RFX3: variants seen among roughly 807,000 people sequenced by gnomAD.
RFX3 encodes the protein regulatory factor X3, also known as transcription factor RFX3.
In RFX3, 14 loss-of-function variants were observed where a neutral mutation model predicts 98.6. That is an observed-to-expected ratio of 0.14 (90% CI 0.09 to 0.22). The LOEUF is 0.22. Ranked by LOEUF, RFX3 falls within the 10% of genes least tolerant of loss-of-function variation. The probability of loss-of-function intolerance (pLI) is 1.00; values close to 1 mark genes in which losing one functional copy is unlikely to be tolerated. For synonymous variants in RFX3, 383 were observed against 328.4 expected, an observed-to-expected ratio of 1.17 and a Z score of -1.80; for missense variants, 639 against 926.9, an observed-to-expected ratio of 0.69 and a Z score of 4.03.
chr9:3,501,150 G>C (rs1216941110), intron 1 of RFX3, among the ~76,000 whole-genome samples: 1 of 151,924 alleles, frequency 6.6e-6, no homozygotes, highest in Admixed American at 6.6e-5. Flanking sequence ...GCCTCTTTTT[G>C]GCAAATTCCA....
At chr9:3,353,441 C>T (rs1252827597) in intron 2 of RFX3, among the ~76,000 whole-genome samples, 6 of 152,006 alleles carry the variant, frequency 3.9e-5, no homozygotes, top group Non-Finnish European at 8.8e-5. Context: ...GAGAAAACGA[C>T]AGCAACAGAC....
intron 1 of RFX3, among the ~76,000 whole-genome samples, chr9:3,504,201 A>ATATT (rs1475979205): frequency 9.3e-6 from 1 of 107,880 alleles, no homozygotes; most frequent in African/African-American, 4.7e-5. Context: ...TATTATATAT[A>ATATT]TTATATATAT....
chr9:3,330,168 C>A, intron 4 of RFX3, 91 bp downstream of exon 4: 1 of 1,312,274 alleles, frequency 7.6e-7, no homozygotes, highest in Non-Finnish European at 1.1e-6. Context: ...GCCCCAGTCC[C>A]ATCTGTGTTG....
At chr9:3,275,194 CTT>C (rs1215428064) in intron 9 of RFX3, among the ~76,000 whole-genome samples, 1 of 151,832 alleles carries the variant, frequency 6.6e-6, no homozygotes, top group Non-Finnish European at 1.5e-5. Flanking sequence ...GTACACTTCT[CTT>C]GTCACCCAGA....
intron 15 of RFX3, chr9:3,247,763 G>C (rs750322306): frequency 6.3e-7 from 1 of 1,575,824 alleles, no homozygotes; most frequent in African/African-American, 1.4e-5. Context: ...TGGTTCTCAA[G>C]TTTTTCTTTT....
intron 1 of RFX3, among the ~76,000 whole-genome samples, chr9:3,478,623 T>G (rs968569946): frequency 3.9e-5 from 6 of 152,166 alleles, no homozygotes; most frequent in African/African-American, 1.4e-4. Flanking sequence ...GCACTGATTT[T>G]CACTTCCTGC....
At chr9:3,247,859 C>T (rs753842986) in intron 15 of RFX3, 173 bp downstream of exon 15, 1 of 1,608,520 alleles carries the variant, frequency 6.2e-7, no homozygotes, top group Non-Finnish European at 8.5e-7. Context: ...TGATTAAGCA[C>T]ATAAGAACAG....
At chr9:3,423,362 T>C (rs1205705979) in intron 1 of RFX3, among the ~76,000 whole-genome samples, 2 of 152,164 alleles carry the variant, frequency 1.3e-5, no homozygotes, top group Non-Finnish European at 2.9e-5. Context: ...TTGTTCATAA[T>C]AGCTAAAACT....
intron 2 of RFX3, among the ~76,000 whole-genome samples, chr9:3,375,982 A>T (rs1838438116): frequency 6.6e-6 from 1 of 152,102 alleles, no homozygotes; most frequent in East Asian, 1.9e-4. Context: ...ATTATACACA[A>T]ATTAGGTACT....
chr9:3,435,485 G>T (rs1845042709), intron 1 of RFX3, among the ~76,000 whole-genome samples: 1 of 151,782 alleles, frequency 6.6e-6, no homozygotes, highest in African/African-American at 2.4e-5. Context: ...ACATCACTTG[G>T]CTATAATAAT....
intron 1 of RFX3, among the ~76,000 whole-genome samples, chr9:3,517,137 A>T (rs888490450): frequency 6.6e-6 from 1 of 152,182 alleles, no homozygotes; most frequent in African/African-American, 2.4e-5. Flanking sequence ...TGTTATTGGC[A>T]TGTTTCCTTC....
intron 1 of RFX3, among the ~76,000 whole-genome samples, chr9:3,461,507 A>G (rs148737681): frequency 1.3e-5 from 2 of 152,200 alleles, no homozygotes; most frequent in Admixed American, 1.3e-4. Context: ...CAATTTAAGA[A>G]CTACTGCATG....
At chr9:3,350,037 A>G (rs781053982) in intron 2 of RFX3, among the ~76,000 whole-genome samples, 7 of 152,156 alleles carry the variant, frequency 4.6e-5, no homozygotes, top group Non-Finnish European at 1.0e-4. Context: ...AAATGTGTAG[A>G]AAATCTAGAT....
In RFX3 at chr9:3,392,889, G is replaced by A. The variant is rs186230048; in HGVS notation, c.117+2583C>T. ...GTAATCACTGTTTACTACAAGGCTG[G>A]ATTTGAAAAGCATTTATATATCATG... On this transcript the variant is annotated intron_variant, in intron 2 of 16. Coordinates refer to ENST00000617270, the MANE Select transcript of RFX3 (RefSeq NM_001282116.2). Among the ~76,000 whole-genome samples the A allele has an allele frequency of 4.5e-3, 690 of 152,160 alleles. 8 individuals are homozygous for A. The highest frequency in any genetic ancestry group is 0.016 in the African/African-American group (664 of 41,500).
At chr9:3,254,317 G>C (rs1028474404) in intron 14 of RFX3, among the ~76,000 whole-genome samples, 3 of 151,182 alleles carry the variant, frequency 2.0e-5, no homozygotes, top group Non-Finnish European at 4.4e-5. Context: ...GGGCAAGTCT[G>C]ACACTAATAA....
chr9:3,432,021 T>A (rs1008860143), intron 1 of RFX3, among the ~76,000 whole-genome samples: 4 of 152,164 alleles, frequency 2.6e-5, no homozygotes, highest in African/African-American at 9.7e-5. Context: ...TCTATAAATC[T>A]GTTCCCCAAG....
At chr9:3,397,667 C>A (rs1433587050) in intron 1 of RFX3, among the ~76,000 whole-genome samples, 1 of 152,090 alleles carries the variant, frequency 6.6e-6, no homozygotes, top group East Asian at 1.9e-4. Flanking sequence ...AATTTTCTTT[C>A]TACACTTTGA....
At position 3,506,205 on chromosome 9, in the gene RFX3, GT is replaced by G. The variant is rs1205032050; in HGVS notation, c.-9+19541del. 9.0e-3 allele frequency among the ~76,000 whole-genome samples: 1,250 copies of G among 139,026 alleles called. 19 individuals are homozygous for G. The highest frequency in any genetic ancestry group is 0.028 in the African/African-American group (1,076 of 38,028). 91.2% of individuals were successfully genotyped at this position (139,026 alleles called of 152,430 possible). A position where few individuals can be genotyped will look rare whatever the true frequency, so the allele number is the denominator to read the frequency against. ...CTGGATAGATTTATGAAGGACAACTGTTTTTTTTTTTTTAAAAAAAAAGGTT... is the reference window on the plus strand; with the variant it reads ...CTGGATAGATTTATGAAGGACAACTGTTTTTTTTTTTTAAAAAAAAAGGTT... On this transcript the variant is annotated intron_variant, in intron 1 of 16. Coordinates refer to ENST00000617270, the MANE Select transcript of RFX3 (RefSeq NM_001282116.2).
intron 4 of RFX3, among the ~76,000 whole-genome samples, chr9:3,322,530 A>G (rs1439489363): frequency 6.6e-6 from 1 of 152,106 alleles, no homozygotes; most frequent in Non-Finnish European, 1.5e-5. Flanking sequence ...TCAGGAGTTC[A>G]AGACCAACCC....
Sources: gnomAD v4.1 joint callset for allele counts (sites outside exome capture counted in the v4.1 genomes callset) on GRCh38, gnomAD v4.1.1 for gene constraint, MANE v1.5 for transcripts, NCBI Gene and HGNC (gene_info 2026-07-23, HGNC 2026-07-21) for gene names.